The following PPP1R1C variants were observed in gnomAD, a reference collection of about 807,000 sequenced individuals.
PPP1R1C encodes protein phosphatase 1 regulatory inhibitor subunit 1C.
Under a neutral mutation model 17.4 loss-of-function variants are expected in PPP1R1C, and 15 were observed. That is an observed-to-expected ratio of 0.86 (90% CI 0.58 to 1.33). The LOEUF (loss-of-function observed/expected upper bound fraction) is 1.33. Among genes scored for constraint, PPP1R1C ranks in the 40% most tolerant of loss-of-function variants. The pLI is 0.00. For missense variants in PPP1R1C, 143 were observed against 130.0 expected, an observed-to-expected ratio of 1.10 and a Z score of -0.48; for synonymous variants, 35 against 43.1, an observed-to-expected ratio of 0.81 and a Z score of 0.73.
chr2:182,075,669 A>G (rs1478888512), intron 4 of PPP1R1C, among the ~76,000 whole-genome samples: 1 of 152,232 alleles, frequency 6.6e-6, no homozygotes, highest in East Asian at 1.9e-4. Context: ...ATTGTAATGC[A>G]TATTTTAAAA....
chr2:182,026,912 A>G (rs1393607458), intron 2 of PPP1R1C, among the ~76,000 whole-genome samples: 2 of 142,570 alleles, frequency 1.4e-5, no homozygotes, highest in Non-Finnish European at 3.1e-5. Flanking sequence ...GTTCTCCTTG[A>G]AGAGGTCCTT....
At chr2:182,041,739 A>G (rs1004215535) in intron 2 of PPP1R1C, among the ~76,000 whole-genome samples, 15 of 152,214 alleles carry the variant, frequency 9.9e-5, no homozygotes, top group African/African-American at 3.6e-4. Context: ...ATCATAGTAG[A>G]CCAAAGGGGT....
intron 2 of PPP1R1C, among the ~76,000 whole-genome samples, chr2:181,993,546 G>T (rs889228132): frequency 6.6e-6 from 1 of 152,224 alleles, no homozygotes; most frequent in East Asian, 1.9e-4. Flanking sequence ...ATCTTGCCTT[G>T]TCTGTATTAA....
At chr2:182,121,520 G>A (rs1011745037), downstream of PPP1R1C, among the ~76,000 whole-genome samples, 10 of 151,478 alleles carry the variant, frequency 6.6e-5, no homozygotes, top group South Asian at 2.1e-4. Context: ...ATGGAGTCTC[G>A]CTCTGTCACC....
intron 2 of PPP1R1C, among the ~76,000 whole-genome samples, chr2:182,052,386 G>A (rs1408257321): frequency 6.6e-6 from 1 of 152,198 alleles, no homozygotes. Flanking sequence ...TCTCCTGTTA[G>A]AGCAGACATG....
intron 4 of PPP1R1C, among the ~76,000 whole-genome samples, chr2:182,081,469 G>C (rs1013202093): frequency 2.6e-5 from 4 of 152,132 alleles, no homozygotes; most frequent in Non-Finnish European, 4.4e-5. Context: ...AGAAAATTGT[G>C]ATAGAAAATT....
downstream of PPP1R1C, chr2:182,131,242 G>T (rs1007785481): frequency 6.6e-6 from 1 of 151,720 alleles, no homozygotes; most frequent in African/African-American, 2.4e-5. Context: ...ATATGTGCTT[G>T]TATACATTTC....
intron 2 of PPP1R1C, among the ~76,000 whole-genome samples, chr2:182,008,985 G>A (rs562728351): frequency 5.9e-5 from 9 of 152,244 alleles, no homozygotes; most frequent in African/African-American, 2.2e-4. Context: ...TGGCTGAAGA[G>A]TAGTCTATTG....
At chr2:182,105,950 C>A (rs1689234857) in intron 4 of PPP1R1C, among the ~76,000 whole-genome samples, 1 of 152,172 alleles carries the variant, frequency 6.6e-6, no homozygotes, top group Admixed American at 6.5e-5. Flanking sequence ...AACCCTGAGA[C>A]AACGGTGTCC....
At chr2:182,003,573 G>A (rs1685833130) in intron 2 of PPP1R1C, among the ~76,000 whole-genome samples, 1 of 151,992 alleles carries the variant, frequency 6.6e-6, no homozygotes, top group South Asian at 2.1e-4. Context: ...AGTACAGTTA[G>A]GTAGCAGTTT....
chr2:182,077,164 C>T (rs1299006937), intron 4 of PPP1R1C, among the ~76,000 whole-genome samples: 1 of 152,078 alleles, frequency 6.6e-6, no homozygotes, highest in African/African-American at 2.4e-5. Flanking sequence ...CTCAAAGAAC[C>T]TCAAAGAATG....
intron 2 of PPP1R1C, among the ~76,000 whole-genome samples, chr2:182,039,317 A>G (rs1351122357): frequency 6.6e-6 from 1 of 152,174 alleles, no homozygotes; most frequent in Admixed American, 6.5e-5. Flanking sequence ...TGCTCAAACC[A>G]GCTTCCTGTT....
intron 2 of PPP1R1C, among the ~76,000 whole-genome samples, chr2:182,028,971 C>T (rs944148426): frequency 9.7e-5 from 13 of 134,382 alleles, no homozygotes; most frequent in African/African-American, 3.6e-4. Flanking sequence ...ATGTAATGGC[C>T]TTCTTTGTCT....
chr2:181,988,517 C>G (rs564278982), intron 2 of PPP1R1C, among the ~76,000 whole-genome samples: 7 of 152,194 alleles, frequency 4.6e-5, no homozygotes, highest in Non-Finnish European at 1.0e-4. Flanking sequence ...GATCTGTAAT[C>G]CACAAACATT....
At chr2:181,969,317 G>C (rs930125614) in intron 1 of PPP1R1C, among the ~76,000 whole-genome samples, 3 of 151,932 alleles carry the variant, frequency 2.0e-5, no homozygotes, top group African/African-American at 4.8e-5. Context: ...CTTTTGTTTG[G>C]GAAAGTATTT....
intron 2 of PPP1R1C, among the ~76,000 whole-genome samples, chr2:182,025,216 T>A (rs1294011537): frequency 6.7e-6 from 1 of 148,306 alleles, no homozygotes; most frequent in Non-Finnish European, 1.5e-5. Flanking sequence ...TATTTATTTA[T>A]TTTTATTATA....
chr2:182,056,206 C>G (rs1207166773), intron 2 of PPP1R1C, among the ~76,000 whole-genome samples: 1 of 152,168 alleles, frequency 6.6e-6, no homozygotes, highest in Non-Finnish European at 1.5e-5. Context: ...CACTTCCAGG[C>G]AGCAAGTCTG....
downstream of PPP1R1C, among the ~76,000 whole-genome samples, chr2:182,118,437 G>C (rs1049897633): frequency 1.3e-5 from 2 of 151,928 alleles, no homozygotes; most frequent in Admixed American, 6.6e-5. Flanking sequence ...ACTCAGTTTG[G>C]TCCTTTATTA....
At chr2:182,008,245 A>G (rs1466365721) in intron 2 of PPP1R1C, among the ~76,000 whole-genome samples, 1 of 152,208 alleles carries the variant, frequency 6.6e-6, no homozygotes, top group Non-Finnish European at 1.5e-5. Context: ...GCAAACTGGT[A>G]GAGAGGGACA....
Sources: allele counts gnomAD v4.1 joint callset (sites outside exome capture counted in the v4.1 genomes callset), GRCh38; gene constraint gnomAD v4.1.1; transcripts MANE v1.5; gene names NCBI Gene and HGNC (gene_info 2026-07-23, HGNC 2026-07-21).